CNTN5: variants seen among roughly 807,000 people sequenced by gnomAD.
The protein encoded by CNTN5 is contactin-5.
A neutral mutation model predicts 129.1 loss-of-function variants in CNTN5; 77 were observed. The observed-to-expected ratio is 0.60, with a 90% CI of 0.50 to 0.72. CNTN5 has a LOEUF of 0.72. CNTN5 is among the 30% of genes least tolerant of loss of function. The probability of loss-of-function intolerance (pLI) is 0.00; values close to 1 mark genes in which losing one functional copy is unlikely to be tolerated. For missense variants in CNTN5, 1,478 were observed against 1,328.8 expected (o/e 1.11, Z -1.75); for synonymous variants, 509 against 465.6 (o/e 1.09, Z -1.20).
At chr11:99,171,726 CTT>C (rs1291300479) in intron 1 of CNTN5, among the ~76,000 whole-genome samples, 5 of 152,126 alleles carry the variant, frequency 3.3e-5, no homozygotes, top group Non-Finnish European at 7.4e-5. Context: ...AGTGTTTTCT[CTT>C]GTTAAGAACC....
chr11:99,943,938 C>A (rs753185674), intron 7 of CNTN5, among the ~76,000 whole-genome samples: 4 of 151,966 alleles, frequency 2.6e-5, no homozygotes, highest in African/African-American at 4.8e-5. Flanking sequence ...TTACTGTAGC[C>A]TTGTAGCATA....
At chr11:99,361,191 A>C (rs918751687) in intron 2 of CNTN5, among the ~76,000 whole-genome samples, 1 of 152,152 alleles carries the variant, frequency 6.6e-6, no homozygotes, top group Admixed American at 6.5e-5. Flanking sequence ...GAAAAGCTTT[A>C]AGAAGACTGA....
intron 2 of CNTN5, among the ~76,000 whole-genome samples, chr11:99,546,107 T>C (rs568405764): frequency 6.6e-5 from 10 of 152,204 alleles, no homozygotes; most frequent in Non-Finnish European, 1.5e-4. Context: ...CTGGGGGCAT[T>C]AGGGAAATCC....
In CNTN5 at chr11:100,082,682, A is replaced by G. The variant is rs10501944; in HGVS notation, c.1580+8388A>G. The stretch of plus-strand genomic sequence containing the variant: ...TTATCAGTGGAAGAAATCATTGAAC[A>G]CGGTAGAAATTTCATTTGAAGAGAA... On this transcript the variant is annotated intron_variant, in intron 13 of 24. Transcript: ENST00000524871. Among the ~76,000 whole-genome samples, 893 of 152,268 alleles carry G rather than the reference A, an allele frequency of 5.9e-3. 29 individuals are homozygous for G. The highest frequency in any genetic ancestry group is 0.049 in the Admixed American group (756 of 15,282).
At chr11:99,068,747 T>C (rs1406886988) in intron 1 of CNTN5, among the ~76,000 whole-genome samples, 2 of 152,188 alleles carry the variant, frequency 1.3e-5, no homozygotes, top group African/African-American at 4.8e-5. Context: ...CAGAGAAACA[T>C]TAAAATTCTA....
chr11:100,024,648 G>A (rs566394626), intron 9 of CNTN5, among the ~76,000 whole-genome samples: 106 of 152,280 alleles, frequency 7.0e-4, no homozygotes, highest in African/African-American at 2.4e-3. Flanking sequence ...ATGGAGATGA[G>A]GAACTTGTTG....
chr11:99,301,171 C>G (rs1163679343), intron 1 of CNTN5, among the ~76,000 whole-genome samples: 6 of 151,048 alleles, frequency 4.0e-5, no homozygotes, highest in African/African-American at 9.7e-5. Flanking sequence ...CAAAAGTAGG[C>G]AAGAATCTAA....
chr11:99,816,365 G>A (rs763109162), intron 3 of CNTN5, among the ~76,000 whole-genome samples: 2 of 152,000 alleles, frequency 1.3e-5, no homozygotes, highest in Non-Finnish European at 2.9e-5. Flanking sequence ...TCTCTCTGAC[G>A]AACCTGCGTC....
chr11:99,516,318 A>T (rs1349881361), intron 2 of CNTN5, among the ~76,000 whole-genome samples: 1 of 152,128 alleles, frequency 6.6e-6, no homozygotes, highest in Admixed American at 6.6e-5. Flanking sequence ...AGTCTATTTT[A>T]TATTGGCAAA....
chr11:99,037,685 A>C (rs115301278), intron 1 of CNTN5, among the ~76,000 whole-genome samples: 1 of 148,766 alleles, frequency 6.7e-6, no homozygotes, highest in Non-Finnish European at 1.5e-5. Context: ...GGTTCAAGCA[A>C]TTCTCTGCCT....
At chr11:99,668,856 T>C (rs1429302111) in intron 3 of CNTN5, among the ~76,000 whole-genome samples, 4 of 152,136 alleles carry the variant, frequency 2.6e-5, no homozygotes, top group Non-Finnish European at 5.9e-5. Context: ...ATTTATTATC[T>C]TATGAGTTGG....
chr11:99,957,143 C>A, intron 8 of CNTN5, 134 bp downstream of exon 8: 1 of 729,838 alleles, frequency 1.4e-6, no homozygotes. Context: ...TTAGACACTA[C>A]ATTTTTAGGC....
intron 1 of CNTN5, among the ~76,000 whole-genome samples, chr11:99,027,554 G>A (rs1863161349): frequency 6.6e-6 from 1 of 151,546 alleles, no homozygotes; most frequent in Non-Finnish European, 1.5e-5. Flanking sequence ...ATTTGAAACC[G>A]TAATAGTATT....
chr11:99,986,408 A>G (rs758229255), intron 8 of CNTN5, among the ~76,000 whole-genome samples: 2 of 152,192 alleles, frequency 1.3e-5, no homozygotes, highest in Non-Finnish European at 2.9e-5. Context: ...TGACAAATAT[A>G]AGGTCTTCCC....
intron 8 of CNTN5, among the ~76,000 whole-genome samples, chr11:99,994,989 G>A (rs7125250): frequency 0.38 from 57,075 of 151,602 alleles, 12,176 homozygotes; most frequent in African/African-American, 0.59. Context: ...AGCAGATGAA[G>A]CAAACATTAT....
chr11:100,076,657 A>C (rs1175453094), intron 13 of CNTN5, among the ~76,000 whole-genome samples: 1 of 151,844 alleles, frequency 6.6e-6, no homozygotes, highest in African/African-American at 2.4e-5. Flanking sequence ...GTTTAGGAAG[A>C]AGGCTAAAAT....
chr11:99,261,723 T>C (rs553548743), intron 1 of CNTN5, among the ~76,000 whole-genome samples: 43 of 152,032 alleles, frequency 2.8e-4, no homozygotes, highest in Non-Finnish European at 5.3e-4. Context: ...TCTTTGAAGA[T>C]AGGTAAGGTG....
intron 2 of CNTN5, among the ~76,000 whole-genome samples, chr11:99,447,784 G>T (rs1188636291): frequency 6.6e-6 from 1 of 152,142 alleles, no homozygotes; most frequent in African/African-American, 2.4e-5. Flanking sequence ...AACTAGCTGG[G>T]TGTCGTGGTG....
At chr11:99,965,212 G>T (rs1951061679) in intron 8 of CNTN5, among the ~76,000 whole-genome samples, 2 of 152,066 alleles carry the variant, frequency 1.3e-5, no homozygotes, top group Admixed American at 1.3e-4. Context: ...GCTTTTGAAT[G>T]TGTTTGCTCT....
Sources: gnomAD v4.1 joint callset for allele counts (sites outside exome capture counted in the v4.1 genomes callset) on GRCh38, gnomAD v4.1.1 for gene constraint, MANE v1.5 for transcripts, NCBI Gene and HGNC (gene_info 2026-07-23, HGNC 2026-07-21) for gene names.